Variants in ZNF185 observed in about 807,000 individuals in gnomAD.
ZNF185 encodes the protein zinc finger protein 185 with LIM domain.
ZNF185 carries 56 observed loss-of-function variants against 58.6 expected under a neutral mutation model. That is an observed-to-expected ratio of 0.95 (90% CI 0.77 to 1.19). ZNF185 has a LOEUF of 1.19. ZNF185 is among the 50% of genes most tolerant of loss of function. The pLI is 0.00. For synonymous variants in ZNF185, 230 were observed against 215.9 expected, an observed-to-expected ratio of 1.07 and a Z score of -0.57; for missense variants, 627 against 573.5, an observed-to-expected ratio of 1.09 and a Z score of -0.95.
At chrX:152,941,841 A>C in intron 15 of ZNF185, 3 of 1,144,575 alleles carry the variant, frequency 2.6e-6, no homozygotes, top group South Asian at 2.0e-5. Flanking sequence ...GTAAGGTCTG[A>C]AGCCGCGGCC....
chrX:152,941,585 G>C, intron 15 of ZNF185: 1 of 1,058,506 alleles, frequency 9.4e-7, no homozygotes, highest in Non-Finnish European at 1.2e-6. Flanking sequence ...CGCGACGCGT[G>C]CGCGCCTGTG....
upstream of ZNF185, among the ~76,000 whole-genome samples, chrX:152,912,923 G>T (rs1170160282): frequency 8.8e-6 from 1 of 113,023 alleles, no homozygotes; most frequent in African/African-American, 3.2e-5. Flanking sequence ...CAGCTTTGGT[G>T]CAGGGCTGGG....
chrX:152,935,483 G>A (rs184054880), intron 14 of ZNF185, among the ~76,000 whole-genome samples: 1 of 109,332 alleles, frequency 9.1e-6, no homozygotes, highest in Non-Finnish European at 1.9e-5. Flanking sequence ...TGATCCACCC[G>A]CCTCAGCCTC....
At position 152,959,914 on chromosome X, in the gene ZNF185, C is replaced by T; in HGVS notation, c.1607+18C>T. On this transcript the variant is annotated intron_variant, in intron 17 of 22. Transcript: ENST00000449285. Reference sequence around the variant, plus strand: ...ACCAGCAGGTACGAGCCAAACTGCACTGGGACCTTACCTGCTAGAGCCAGT... The same window carrying T: ...ACCAGCAGGTACGAGCCAAACTGCATTGGGACCTTACCTGCTAGAGCCAGT... 1 of 1,198,784 alleles carries T rather than the reference C, an allele frequency of 8.3e-7. No individual in the cohort carries two copies. Among genetic ancestry groups the T allele is most frequent in the Non-Finnish European group, 1.1e-6 (1 of 887,462 alleles).
In ZNF185 at chrX:152,932,185, C is replaced by T. The variant is rs181390552; in HGVS notation, c.1022+409C>T. ...GGGCAAAGCAAGGCCACCAAGCTGG[C>T]AGTCTGGGAGAGTCAGTGACCAAAG... On this transcript the variant is annotated intron_variant, in intron 13 of 22. Coordinates refer to ENST00000449285, the Ensembl canonical transcript of ZNF185. Among the ~76,000 whole-genome samples, 7 of 112,631 alleles carry T rather than the reference C, an allele frequency of 6.2e-5. No individual in the cohort carries two copies. The Admixed American group carries it at 6.5e-4, about 11-fold the overall frequency.
exon 16 of ZNF185, chrX:152,945,371 C>G: frequency 2.5e-6 from 3 of 1,207,369 alleles, no homozygotes; most frequent in Non-Finnish European, 2.2e-6. Flanking sequence ...CCAGCTGTAC[C>G]CGCTCAGCAA....
the ZNF185 span, among the ~76,000 whole-genome samples, chrX:152,900,493 G>C: frequency 8.8e-6 from 1 of 113,393 alleles, no homozygotes; most frequent in South Asian, 3.6e-4. Context: ...GCATGGGACA[G>C]GACCAGTGCC....
chrX:152,900,326 G>A, the ZNF185 span, among the ~76,000 whole-genome samples: 1 of 113,035 alleles, frequency 8.8e-6, no homozygotes, highest in Non-Finnish European at 1.9e-5. Context: ...CCAGAAGCCT[G>A]CCTTCCTCCT....
At chrX:152,920,718 A>G (rs1556869062) in exon 9 of ZNF185, 1 of 1,211,947 alleles carries the variant, frequency 8.3e-7, no homozygotes, top group East Asian at 3.0e-5. Context: ...AGTCCTACCC[A>G]GGAGACACAG....
exon 12 of ZNF185, chrX:152,928,619 G>A (rs1338946230): frequency 8.3e-7 from 1 of 1,211,984 alleles, no homozygotes; most frequent in Non-Finnish European, 1.1e-6. Context: ...CTGACACCCA[G>A]GGCAGGACTC....
rs1458201623 is a variant in ZNF185 at position 152,967,691 on chromosome X, G to A, written c.1871+453G>A. 4.5e-5 allele frequency among the ~76,000 whole-genome samples: 5 copies of A among 112,335 alleles called. No individual in the cohort carries two copies. In the South Asian group the frequency reaches 1.8e-3, roughly 41 times the overall value. On this transcript the variant is annotated intron_variant, in intron 20 of 22. Coordinates refer to ENST00000449285, the Ensembl canonical transcript of ZNF185. ...CACAAAGCCAAGAATGCCCAGTGCT[G>A]TGGAGCCACCAAATTGAAAGCAGGG...
rs898797887 is a variant in ZNF185 at position 152,933,066 on chromosome X, G to A, written c.1121+95G>A. ...CTTGGGCTGCTATGGGTGGGGCACT[G>A]GTCACTTCCTATGGCTCCTGTCTAC... On this transcript the variant is annotated intron_variant, in intron 14 of 22. Transcript: ENST00000449285. The A allele has an allele frequency of 4.5e-5, 24 of 535,219 alleles. No individual in the cohort carries two copies. In the South Asian group the frequency reaches 7.8e-4, roughly 17 times the overall value. The allele number at this position is 535,219 out of a possible 1,213,427, so 44.1% of individuals were successfully genotyped here.
rs1556866414 is a variant in ZNF185, at chrX:152,917,186, C to T, written c.263+17C>T. ...CATCATCCGGTAAGTGACCGCAGGA[C>T]TCTGCCGGCCTTCCTGTGCCCACTC... On this transcript the variant is annotated intron_variant, in intron 4 of 22. Coordinates refer to ENST00000449285, the Ensembl canonical transcript of ZNF185. 2.5e-6 allele frequency: 3 copies of T among 1,209,923 alleles called. No homozygotes were observed. The highest frequency in any genetic ancestry group is 3.5e-5 in the African/African-American group (2 of 57,299).
At chrX:152,928,225 C>T (rs1556874211) in intron 11 of ZNF185, among the ~76,000 whole-genome samples, 3 of 112,549 alleles carry the variant, frequency 2.7e-5, no homozygotes, top group Admixed American at 1.9e-4. Context: ...CAGAACTACC[C>T]CTGGCCTCAC....
At chrX:152,931,846 T>G in intron 13 of ZNF185, 70 bp downstream of exon 14, 4 of 939,210 alleles carry the variant, frequency 4.3e-6, no homozygotes, top group Non-Finnish European at 5.9e-6. Context: ...GCTGAAGGAC[T>G]TCCATGGCCT....
At chrX:152,930,361 CAA>C (rs1239072800) in intron 12 of ZNF185, among the ~76,000 whole-genome samples, 1 of 112,097 alleles carries the variant, frequency 8.9e-6, no homozygotes, top group African/African-American at 3.2e-5. Context: ...GATTAGGGCT[CAA>C]GAGATTTCCA....
the ZNF185 span, among the ~76,000 whole-genome samples, chrX:152,903,388 C>CAAAAAAAA: frequency 3.6e-4 from 13 of 35,852 alleles, no homozygotes; most frequent in African/African-American, 1.6e-3. Flanking sequence ...AGACTCGTCT[C>CAAAAAAAA]AAAAAAAAAA....
chrX:152,925,443 G>A (rs1390950126), intron 11 of ZNF185, among the ~76,000 whole-genome samples: 1 of 112,708 alleles, frequency 8.9e-6, no homozygotes, highest in African/African-American at 3.2e-5. Context: ...TCATTGCAAG[G>A]TGGCTTTTTA....
chrX:152,959,674 T>C (rs782781753), intron 16 of ZNF185, 25 bp from the exon 19 acceptor site: 5 of 1,197,654 alleles, frequency 4.2e-6, no homozygotes, highest in Non-Finnish European at 4.5e-6. Context: ...GGCACTCACT[T>C]CATAAGGGTC....
Sources: allele counts gnomAD v4.1 joint callset (sites outside exome capture counted in the v4.1 genomes callset), GRCh38; gene constraint gnomAD v4.1.1; transcripts MANE v1.5; gene names NCBI Gene and HGNC (gene_info 2026-07-23, HGNC 2026-07-21).